SACS: variants seen among roughly 807,000 people sequenced by gnomAD.
SACS encodes sacsin molecular chaperone.
SACS carries 197 observed loss-of-function variants against 348.0 expected under a neutral mutation model. The observed-to-expected ratio is 0.57, with a 90% CI of 0.50 to 0.64. The LOEUF is 0.64. Among genes scored for constraint, SACS ranks in the 30% least tolerant of loss-of-function variants. SACS has a pLI of 0.00. For synonymous variants in SACS, 1,985 were observed against 1,910.6 expected (o/e 1.04, Z -1.02); for missense variants, 4,999 against 5,360.8 (o/e 0.93, Z 2.11).
intron 2 of SACS, among the ~76,000 whole-genome samples, chr13:23,395,653 A>T (rs1872686606): frequency 6.6e-6 from 1 of 152,190 alleles, no homozygotes; most frequent in Non-Finnish European, 1.5e-5. Context: ...CCCCAAAAGC[A>T]ATCAGATATA....
chr13:23,340,523 C>T lies in SACS; in HGVS notation c.3353G>A (p.Cys1118Tyr). 1.2e-6 allele frequency: 2 copies of T among 1,612,112 alleles called. No individual in the cohort carries two copies. The highest frequency in any genetic ancestry group is 1.7e-6 in the Non-Finnish European group (2 of 1,179,380). ...CTTCAGAAGAACATCTTGATCAGGA[C>T]AAGCACCGACCTGTAAGGCTTCAAT... Reference protein sequence around the residue: ...KKIEALQVGACPDQDVLLKKA... With the variant: ...KKIEALQVGAYPDQDVLLKKA... The change falls in exon 10 of 10, where the codon TGT becomes TAT. Residue 1118 changes from cysteine to tyrosine, a missense_variant. Coordinates refer to ENST00000382292, the MANE Select transcript of SACS (RefSeq NM_014363.6).
At chr13:23,403,846 A>G (rs1325490421) in intron 2 of SACS, among the ~76,000 whole-genome samples, 1 of 152,118 alleles carries the variant, frequency 6.6e-6, no homozygotes, top group African/African-American at 2.4e-5. Flanking sequence ...TAGGGTGTCA[A>G]TTTCAGATCT....
intron 2 of SACS, among the ~76,000 whole-genome samples, chr13:23,381,079 C>T (rs1234945308): frequency 2.6e-5 from 4 of 152,134 alleles, no homozygotes; most frequent in Admixed American, 1.3e-4. Context: ...TAAATCACGA[C>T]GCAGGACCCA....
In SACS at chr13:23,376,825, G is replaced by T. The variant is rs112089262; in HGVS notation, c.21-1556C>A. Among the ~76,000 whole-genome samples, 786 of 152,358 alleles carry T rather than the reference G, an allele frequency of 5.2e-3. 8 individuals carry two copies. Among genetic ancestry groups the T allele is most frequent in the African/African-American group, 0.018 (728 of 41,572 alleles). On this transcript the variant is annotated intron_variant, in intron 2 of 9. Coordinates refer to ENST00000382292, the MANE Select transcript of SACS (RefSeq NM_014363.6). Reference sequence around the variant, plus strand: ...CCAGCGCTTTGGGAGGCCAAGACGGGTGGATTACTTGAGGTCAGGAGTTCG... The same window carrying T: ...CCAGCGCTTTGGGAGGCCAAGACGGTTGGATTACTTGAGGTCAGGAGTTCG...
rs753277489 is a variant in SACS, at chr13:23,354,552, T to C, written c.2060A>G (p.Asp687Gly). ...VPFSSSVSDQ[D>G]VIYITSAEYP... ...TTCTGCTGAGGTAATATAAATGACATCTTGGTCTGATACAGATGAGGAGAA... is the reference window on the plus strand; with the variant it reads ...TTCTGCTGAGGTAATATAAATGACACCTTGGTCTGATACAGATGAGGAGAA... The change falls in exon 8 of 10, where the codon GAT becomes GGT. Residue 687 changes from aspartate (D) to glycine (G), a missense_variant. Around this residue, in one of 6 missense-constraint regions of SACS, gnomAD observed 3,156 missense variants for 3,380.1 expected, o/e 0.93. Transcript: ENST00000382292. 2.5e-6 allele frequency: 4 copies of C among 1,614,134 alleles called. No individual in the cohort carries two copies. Among genetic ancestry groups the C allele is most frequent in the Non-Finnish European group, 3.4e-6 (4 of 1,180,002 alleles).
intron 6 of SACS, among the ~76,000 whole-genome samples, chr13:23,361,542 C>G (rs1289026838): frequency 6.6e-6 from 1 of 151,956 alleles, no homozygotes; most frequent in Non-Finnish European, 1.5e-5. Context: ...TTTGGGAGGC[C>G]GAGGTGGGAA....
chr13:23,372,290 A>C (rs1871441712), intron 3 of SACS, among the ~76,000 whole-genome samples: 1 of 152,216 alleles, frequency 6.6e-6, no homozygotes, highest in Non-Finnish European at 1.5e-5. Context: ...AAGTAAGGAG[A>C]CCAGGACAAA....
At chr13:23,356,926 T>A (rs768041942) in intron 7 of SACS, among the ~76,000 whole-genome samples, 30 of 152,216 alleles carry the variant, frequency 2.0e-4, no homozygotes, top group Admixed American at 3.3e-4. Context: ...ACCAACCACA[T>A]GGCTAAATCC....
chr13:23,410,201 G>A (rs942841587), intron 2 of SACS, among the ~76,000 whole-genome samples: 2 of 152,168 alleles, frequency 1.3e-5, no homozygotes, highest in African/African-American at 4.8e-5. Context: ...TTTAGCATCA[G>A]TAATGGTGTG....
At position 23,334,134 on chromosome 13, in the gene SACS, A is replaced by G. The variant is rs137853018; in HGVS notation, c.9742T>C (p.Trp3248Arg). The change falls in exon 10 of 10, where the codon TGG (tryptophan) becomes CGG (arginine). Residue 3248 changes from tryptophan (W) to arginine (R), a missense_variant. Trp to Arg is a moderately radical substitution (Grantham distance 101). Transcript: ENST00000382292. ...CTTACAGATTCACTAATAAAATGCC[A>G]TGCATTCTTAAGCCAAGACTCACTT... ...FASESWLKNA[W>R]HFISESVSVK... 6.2e-7 allele frequency: 1 copy of G among 1,613,914 alleles called. No individual in the cohort carries two copies. Among genetic ancestry groups the G allele is most frequent in the South Asian group, 1.1e-5 (1 of 91,074 alleles).
intron 6 of SACS, among the ~76,000 whole-genome samples, chr13:23,363,637 G>A (rs1870882047): frequency 6.6e-6 from 1 of 152,174 alleles, no homozygotes; most frequent in African/African-American, 2.4e-5. Flanking sequence ...GTGAAGTCAA[G>A]GCTAGAAGCA....
chr13:23,372,949 C>T (rs1028545138), intron 3 of SACS, among the ~76,000 whole-genome samples: 1 of 152,138 alleles, frequency 6.6e-6, no homozygotes, highest in Non-Finnish European at 1.5e-5. Flanking sequence ...CATACCAGGA[C>T]GAAAGGGTCC....
Position 23,354,836 on chromosome 13 carries a change from G to A in SACS, c.1776C>T (p.Asn592=), listed in dbSNP as rs1478121716. 1.2e-6 allele frequency: 2 copies of A among 1,614,222 alleles called. No homozygotes were observed. The highest frequency in any genetic ancestry group is 1.1e-5 in the South Asian group (1 of 91,092). ...TCTGCTTCCCTGAGCTCTGGAGGTA[G>A]TTGAGCACAGTTTTTGTGTATTCTA... ...ENLEYTKTVL[N]YLQSSGKQIA... The change falls in exon 8 of 10, where the codon AAC becomes AAT. Residue 592 remains asparagine, a synonymous_variant. Coordinates refer to ENST00000382292, the MANE Select transcript of SACS (RefSeq NM_014363.6).
chr13:23,399,475 C>G (rs574150266), intron 2 of SACS, among the ~76,000 whole-genome samples: 1 of 152,208 alleles, frequency 6.6e-6, no homozygotes, highest in African/African-American at 2.4e-5. Flanking sequence ...CCTGACATGC[C>G]CAAACATGTC....
At chr13:23,413,413 C>G (rs1053673209) in intron 1 of SACS, among the ~76,000 whole-genome samples, 1 of 152,140 alleles carries the variant, frequency 6.6e-6, no homozygotes, top group Non-Finnish European at 1.5e-5. Context: ...GTAGACAGAA[C>G]AAGAAAGGTA....
intron 6 of SACS, among the ~76,000 whole-genome samples, chr13:23,360,461 A>C (rs991837136): frequency 6.6e-6 from 1 of 151,862 alleles, no homozygotes; most frequent in Admixed American, 6.6e-5. Flanking sequence ...CTCTTGCCAG[A>C]ATCTAGAAAG....
At chr13:23,430,784 G>A (rs1415122529) in intron 1 of SACS, among the ~76,000 whole-genome samples, 1 of 152,194 alleles carries the variant, frequency 6.6e-6, no homozygotes, top group African/African-American at 2.4e-5. Flanking sequence ...CAAACTCATG[G>A]TGTAATCTCG....
intron 9 of SACS, among the ~76,000 whole-genome samples, chr13:23,343,468 C>T (rs928718924): frequency 2.0e-5 from 3 of 152,136 alleles, no homozygotes; most frequent in African/African-American, 4.8e-5. Flanking sequence ...GGGTGGAACA[C>T]GAGGTCAGGA....
Position 23,338,318 on chromosome 13 carries a change from A to T in SACS, c.5558T>A (p.Leu1853Gln), listed in dbSNP as rs544186942. The T allele has an allele frequency of 6.2e-7, 1 of 1,614,150 alleles. No individual in the cohort carries two copies. The highest frequency in any genetic ancestry group is 2.2e-5 in the East Asian group (1 of 44,876). Residue 1853 changes from leucine (L) to glutamine (Q), a missense_variant, in exon 10 of 10, where the codon CTG becomes CAG. Leu to Gln is a moderately radical substitution (Grantham distance 113, BLOSUM62 -2). Transcript: ENST00000382292. ...LVPCGAVGVQ[L>Q]SEIQDQKWTV... ...CCACTTCTGGTCCTGGATTTCTGACAGCTGAACTCCTACTGCCCCACATGG... is the reference window on the plus strand; with the variant it reads ...CCACTTCTGGTCCTGGATTTCTGACTGCTGAACTCCTACTGCCCCACATGG...
Sources: gnomAD v4.1 joint callset for allele counts (sites outside exome capture counted in the v4.1 genomes callset) on GRCh38, gnomAD v4.1.1 for gene constraint, gnomAD v4.1.1 regional missense constraint, MANE v1.5 for transcripts, NCBI Gene and HGNC (gene_info 2026-07-23, HGNC 2026-07-21) for gene names.